The following CYP2A13 variants were observed in gnomAD, a reference collection of about 807,000 sequenced individuals.
The protein encoded by CYP2A13 is cytochrome P450 family 2 subfamily A member 13.
In CYP2A13, 30 loss-of-function variants were observed where a neutral mutation model predicts 39.4. That is an observed-to-expected ratio of 0.76 (90% CI 0.57 to 1.03). The LOEUF is 1.03. CYP2A13 is among the 50% of genes least tolerant of loss of function. CYP2A13 has a pLI of 0.00. For missense variants in CYP2A13, 731 were observed against 648.4 expected, an observed-to-expected ratio of 1.13 and a Z score of -1.38; for synonymous variants, 269 against 254.7, an observed-to-expected ratio of 1.06 and a Z score of -0.54.
At position 41,088,540 on chromosome 19, in the gene CYP2A13, C is replaced by A. The variant is rs1340291490; in HGVS notation, c.69C>A (p.Val23=). The A allele has an allele frequency of 1.2e-6, 2 of 1,614,040 alleles. No individual in the cohort carries two copies. Among genetic ancestry groups the A allele is most frequent in the Non-Finnish European group, 1.7e-6 (2 of 1,179,910 alleles). Residue 23 remains valine, a synonymous_variant, in exon 1 of 9, where the codon GTC becomes GTA. Transcript: ENST00000330436. ...TGACTGTGATGGTCTTGATGTCAGT[C>A]TGGCGGCAGAGGAAGAGCAGGGGGA... ...ACLTVMVLMS[V]WRQRKSRGKL...
At position 41,095,009 on chromosome 19, in the gene CYP2A13, C is replaced by G; in HGVS notation, c.1212C>G (p.Phe404Leu). ...GCTCCGTGCTGAGAGACCCCAGGTT[C>G]TTCTCCAACCCCCGGGACTTCAATC... ...MLGSVLRDPR[F>L]FSNPRDFNPQ... is the part of the protein sequence containing the mutation. Residue 404 changes from phenylalanine (F) to leucine (L), a missense_variant, in exon 8 of 9, where the codon TTC (phenylalanine) becomes TTG (leucine). Phe to Leu is a conservative substitution (Grantham distance 22, BLOSUM62 0). Coordinates refer to ENST00000330436, the MANE Select transcript of CYP2A13 (RefSeq NM_000766.5). 6.2e-7 allele frequency: 1 copy of G among 1,614,172 alleles called. No individual in the cohort carries two copies. The highest frequency in any genetic ancestry group is 1.1e-5 in the South Asian group (1 of 91,076).
chr19:41,093,894 A>G lies in CYP2A13; in HGVS notation c.973+123A>G, dbSNP rs2031243664. On this transcript the variant is annotated intron_variant, in intron 6 of 8. Coordinates refer to ENST00000330436, the MANE Select transcript of CYP2A13 (RefSeq NM_000766.5). ...GAGACGTGCCTTGCTGTCCAGAGAC[A>G]GGACAATATTCAGCTGATAGGCATC... 3.4e-6 allele frequency: 4 copies of G among 1,179,654 alleles called. No individual in the cohort carries two copies. In the East Asian group the frequency reaches 7.3e-5, roughly 22 times the overall value. 73.1% of individuals were successfully genotyped at this position (1,179,654 alleles called of 1,614,324 possible). A position where few individuals can be genotyped will look rare whatever the true frequency, so the allele number is the denominator to read the frequency against.
intron 5 of CYP2A13, 63 bp downstream of exon 5, chr19:41,091,971 TG>T: frequency 6.3e-7 from 1 of 1,595,260 alleles, no homozygotes; most frequent in Non-Finnish European, 8.5e-7. Flanking sequence ...AGGATGGGAG[TG>T]GGGTGGGCAG....
chr19:41,093,597 G>A, intron 5 of CYP2A13, 33 bp from the exon 6 acceptor site: 1 of 1,613,510 alleles, frequency 6.2e-7, no homozygotes, highest in Non-Finnish European at 8.5e-7. Flanking sequence ...AGCATGGAGA[G>A]TGAGCTTGGT....
Position 41,089,000 on chromosome 19 carries a change from T to C in CYP2A13, c.252T>C (p.His84=), listed in dbSNP as rs145783662. 1,153 of 1,613,776 alleles carry C rather than the reference T, an allele frequency of 7.1e-4. No homozygotes were observed. Among genetic ancestry groups the C allele is most frequent in the Non-Finnish European group, 9.1e-4 (1,074 of 1,179,854 alleles). Residue 84 remains histidine, a synonymous_variant, in exon 2 of 9, where the codon CAT becomes CAC. Coordinates refer to ENST00000330436, the MANE Select transcript of CYP2A13 (RefSeq NM_000766.5). ...GGCGGGTCGTGGTGCTGTGCGGACA[T>C]GATGCCGTCAAGGAGGCTCTGGTGG... is the stretch of plus-strand genomic sequence containing the variant. ...GPRRVVVLCG[H]DAVKEALVDQ...
Position 41,091,810 on chromosome 19 carries a change from G to A in CYP2A13, c.733G>A (p.Glu245Lys), listed in dbSNP as rs752102241. 4.3e-6 allele frequency: 7 copies of A among 1,614,192 alleles called. 1 individual carries two copies. The Middle Eastern group carries it at 8.2e-4, about 190-fold the overall frequency. ...QQAFKELQGL[E>K]DFIAKKVEHN... ...GGCCTTTAAGGAGCTGCAAGGGCTG[G>A]AGGACTTCATCGCCAAGAAGGTGGA... Residue 245 changes from glutamate (E) to lysine (K), a missense_variant, in exon 5 of 9, where the codon GAG becomes AAG. By Grantham distance (56) the Glu-to-Lys change is moderately conservative. Coordinates refer to ENST00000330436, the MANE Select transcript of CYP2A13 (RefSeq NM_000766.5).
rs555275198 is a variant in CYP2A13, at chr19:41,096,011, T to C, written c.*70T>C. 15 of 199,606 alleles carry C rather than the reference T, an allele frequency of 7.5e-5. No individual in the cohort carries two copies. The highest frequency in any genetic ancestry group is 1.7e-4 in the African/African-American group (1 of 5,922). The allele number at this position is 199,606 out of a possible 1,614,324, so 12.4% of individuals were successfully genotyped here. On this transcript the variant is annotated 3_prime_UTR_variant, in exon 9 of 9. Coordinates refer to ENST00000330436, the MANE Select transcript of CYP2A13 (RefSeq NM_000766.5). ...ACGGCCGGGGCAGGGGCGGGGCTTG[T>C]GGGAGGGGCGGGGCTAAGAATGGGG...
chr19:41,094,108 T>C, intron 6 of CYP2A13, 137 bp from the exon 7 acceptor site: 1 of 1,377,894 alleles, frequency 7.3e-7, no homozygotes, highest in South Asian at 1.5e-5. Context: ...TGCGAATGGC[T>C]GATGTCTGTT....
Position 41,094,450 on chromosome 19 carries a change from C to A in CYP2A13, c.1161+18C>A. On this transcript the variant is annotated intron_variant, in intron 7 of 8. Transcript: ENST00000330436. The stretch of plus-strand genomic sequence containing the variant: ...TCCCTAAGGTGCTGTCTCCCCTCCA[C>A]CACCACCACTCAGACTACGGGGACT... The A allele has an allele frequency of 6.2e-7, 1 of 1,613,880 alleles. No homozygotes were observed. Among genetic ancestry groups the A allele is most frequent in the East Asian group, 2.2e-5 (1 of 44,868 alleles).
chr19:41,090,569 C>T lies in CYP2A13; in HGVS notation c.654+5C>T. 6.2e-7 allele frequency: 1 copy of T among 1,614,054 alleles called. No individual in the cohort carries two copies. The highest frequency in any genetic ancestry group is 2.2e-5 in the East Asian group (1 of 44,890). On this transcript the variant is annotated splice_donor_5th_base_variant and intron_variant, in intron 4 of 8. Coordinates refer to ENST00000330436, the MANE Select transcript of CYP2A13 (RefSeq NM_000766.5). The stretch of plus-strand genomic sequence containing the variant: ...ACGGCAACCTCCACGGGGCAGGTAA[C>T]TGGCTGCAGCCCGCCAGTGACGCCC...
Position 41,091,743 on chromosome 19 carries a change from G to A in CYP2A13, c.666G>A (p.Met222Ile), listed in dbSNP as rs748943446. 6 of 1,613,868 alleles carry A rather than the reference G, an allele frequency of 3.7e-6. No homozygotes were observed. The South Asian group carries it at 6.6e-5, about 18-fold the overall frequency. ...CTCTGCAACCCCAGCTCTATGAGAT[G>A]TTCTCTTCGGTGATGAAACACCTGC... The part of the protein sequence containing the change: ...TATSTGQLYE[M>I]FSSVMKHLPG... The change falls in exon 5 of 9, where the codon ATG becomes ATA. Residue 222 changes from methionine to isoleucine, a missense_variant. By Grantham distance (10) the Met-to-Ile change is conservative. Transcript: ENST00000330436.
rs370801766 is a variant in CYP2A13 at position 41,095,015 on chromosome 19, C to T, written c.1218C>T (p.Ser406=). The T allele has an allele frequency of 3.7e-6, 6 of 1,614,022 alleles. No homozygotes were observed. In the African/African-American group the frequency reaches 6.7e-5, roughly 18 times the overall value. Residue 406 remains serine (S), a synonymous_variant, in exon 8 of 9, where the codon TCC becomes TCT. Transcript: ENST00000330436. ...TGCTGAGAGACCCCAGGTTCTTCTCCAACCCCCGGGACTTCAATCCCCAGC... is the reference window on the plus strand; with the variant it reads ...TGCTGAGAGACCCCAGGTTCTTCTCTAACCCCCGGGACTTCAATCCCCAGC... ...GSVLRDPRFF[S]NPRDFNPQHF... is the part of the protein sequence containing the mutation.
chr19:41,095,922 T>G lies in CYP2A13; in HGVS notation c.1466T>G (p.Met489Arg). The part of the protein sequence containing the change: ...GFATIPRNYT[M>R]SFLPR ...GCCACGATCCCACGAAACTACACCA[T>G]GAGCTTCCTGCCCCGCTGAGCGAGG... The change falls in exon 9 of 9, where the codon ATG (methionine) becomes AGG (arginine). Residue 489 changes from methionine to arginine, a missense_variant. Transcript: ENST00000330436. 1 of 1,605,400 alleles carries G rather than the reference T, an allele frequency of 6.2e-7. No individual in the cohort carries two copies.
At chr19:41,088,825 T>G in intron 1 of CYP2A13, 104 bp from the exon 2 acceptor site, 1 of 1,555,296 alleles carries the variant, frequency 6.4e-7, no homozygotes, top group Non-Finnish European at 8.7e-7. Context: ...GCTCCCTGAC[T>G]GTGAGAACCT....
In CYP2A13 at chr19:41,094,351, A is replaced by G; in HGVS notation, c.1080A>G (p.Gln360=). 6.2e-7 allele frequency: 1 copy of G among 1,614,056 alleles called. No individual in the cohort carries two copies. The highest frequency in any genetic ancestry group is 8.5e-7 in the Non-Finnish European group (1 of 1,179,990). Residue 360 remains glutamine (Q), a synonymous_variant, in exon 7 of 9, where the codon CAA becomes CAG. Coordinates refer to ENST00000330436, the MANE Select transcript of CYP2A13 (RefSeq NM_000766.5). The stretch of plus-strand genomic sequence containing the variant: ...CAGAGGCAGTGATCCACGAGATCCA[A>G]AGATTTGGAGACATGCTCCCCATGG... The part of the protein sequence containing the change: ...PYTEAVIHEI[Q]RFGDMLPMGL...
At chr19:41,089,645 C>T (rs373192498) in intron 2 of CYP2A13, among the ~76,000 whole-genome samples, 1 of 151,844 alleles carries the variant, frequency 6.6e-6, no homozygotes, top group African/African-American at 2.4e-5. Flanking sequence ...TTCCTCCTCC[C>T]AGATCTCCCC....
chr19:41,094,170 G>A (rs544961765), intron 6 of CYP2A13, 75 bp from the exon 7 acceptor site: 70 of 1,575,888 alleles, frequency 4.4e-5, no homozygotes, highest in Admixed American at 2.7e-4. Flanking sequence ...GTCAACCACC[G>A]TGTTTTACCT....
chr19:41,090,006 C>T lies in CYP2A13; in HGVS notation c.344-41C>T, dbSNP rs1555715806. The stretch of plus-strand genomic sequence containing the variant: ...GGAGCTGGTCCGCTCCTGCTCCCGC[C>T]GCCCCCTGACCTCTCTCCACCCCCG... On this transcript the variant is annotated intron_variant, in intron 2 of 8. Transcript: ENST00000330436. 14 of 1,568,278 alleles carry T rather than the reference C, an allele frequency of 8.9e-6. No homozygotes were observed. The South Asian group carries it at 1.3e-4, about 15-fold the overall frequency.
chr19:41,091,960 C>A (rs776103564), intron 5 of CYP2A13, 52 bp downstream of exon 5: 55 of 1,603,268 alleles, frequency 3.4e-5, no homozygotes, highest in Non-Finnish European at 4.7e-5. Context: ...AGAGGGAAAT[C>A]AGGATGGGAG....
Sources: gnomAD v4.1 joint callset for allele counts (sites outside exome capture counted in the v4.1 genomes callset) on GRCh38, gnomAD v4.1.1 for gene constraint, MANE v1.5 for transcripts, NCBI Gene and HGNC (gene_info 2026-07-23, HGNC 2026-07-21) for gene names.